Variants in PDIA6 observed in about 807,000 individuals in gnomAD.
PDIA6 encodes the protein protein disulfide isomerase family A member 6, also known as protein disulfide-isomerase A6.
A neutral mutation model predicts 58.4 loss-of-function variants in PDIA6; 29 were observed. That is an observed-to-expected ratio of 0.50 (90% CI 0.37 to 0.68). The LOEUF (loss-of-function observed/expected upper bound fraction) is 0.68, where lower values mean the gene tolerates loss of function less well. Ranked by LOEUF, PDIA6 falls within the 30% of genes least tolerant of loss-of-function variation. The pLI is 0.00. For synonymous variants in PDIA6, 192 were observed against 202.6 expected (o/e 0.95, Z 0.44); for missense variants, 480 against 551.0 (o/e 0.87, Z 1.29).
chr2:10,807,193 TG>T (rs1024675137), intron 1 of PDIA6, among the ~76,000 whole-genome samples: 27 of 152,350 alleles, frequency 1.8e-4, no homozygotes, highest in African/African-American at 5.3e-4. Context: ...TGCTGGCTTT[TG>T]GATTGAAATA....
At chr2:10,819,010 A>G (rs1025639491) in intron 2 of PDIA6, among the ~76,000 whole-genome samples, 2 of 151,652 alleles carry the variant, frequency 1.3e-5, no homozygotes, top group Non-Finnish European at 2.9e-5. Flanking sequence ...AAATTTAACT[A>G]CTCTAGACAT....
chr2:10,793,116 C>G lies in PDIA6; in HGVS notation c.433G>C (p.Gly145Arg), dbSNP rs143589785. 42 of 1,612,978 alleles carry G rather than the reference C, an allele frequency of 2.6e-5. No homozygotes were observed. Among genetic ancestry groups the G allele is most frequent in the Non-Finnish European group, 3.5e-5 (41 of 1,179,016 alleles). ...CTTACTTGTTTTCCAGAACTGTATCCTCCGCTCCGTCCCCCGAGGCGATCC... is the reference window on the plus strand; with the variant it reads ...CTTACTTGTTTTCCAGAACTGTATCGTCCGCTCCGTCCCCCGAGGCGATCC... ...VKDRLGGRSG[G>R]YSSGKQGRSD... Residue 145 changes from glycine to arginine, a missense_variant, in exon 5 of 13, where the codon GGA (glycine) becomes CGA (arginine). By Grantham distance (125) the Gly-to-Arg change is moderately radical (BLOSUM62 -2). Coordinates refer to ENST00000272227, the MANE Select transcript of PDIA6 (RefSeq NM_005742.4).
rs1558448362 is a variant in PDIA6 at position 10,801,143 on chromosome 2, G to GA, written c.161+1355_161+1356insT. On this transcript the variant is annotated intron_variant, in intron 2 of 12. Transcript: ENST00000272227. ...AAAATACAAAAATTAGCAGGGCGTG[G>GA]TGGTACATGCCTGTAGTACCAGTGC... Among the ~76,000 whole-genome samples, 555 of 151,736 alleles carry GA rather than the reference G, an allele frequency of 3.7e-3. 5 individuals are homozygous for GA. The highest frequency in any genetic ancestry group is 0.013 in the African/African-American group (537 of 41,434).
chr2:10,788,065 C>CAAAGAA lies in PDIA6; in HGVS notation c.999-627_999-626insTTCTTT, dbSNP rs1665861314. Among the ~76,000 whole-genome samples the CAAAGAA allele has an allele frequency of 2.9e-5, 3 of 102,184 alleles. No homozygotes were observed. In the South Asian group the frequency reaches 1.1e-3, roughly 37 times the overall value. 67.0% of individuals were successfully genotyped at this position (102,184 alleles called of 152,430 possible). A position where few individuals can be genotyped will look rare whatever the true frequency, so the allele number is the denominator to read the frequency against. On this transcript the variant is annotated intron_variant, in intron 10 of 12. Transcript: ENST00000272227. ...TGGGCAAGAGAGTGAGACTCTGTCTCAAAAAAAAAAAAAAAGGATAAAATA... is the reference window on the plus strand; with the variant it reads ...TGGGCAAGAGAGTGAGACTCTGTCTCAAAGAAAAAAAAAAAAAAAAAGGATAAAATA...
At chr2:10,797,266 A>ACTCATTATC (rs1220465983) in intron 3 of PDIA6, 59 bp from the exon 4 acceptor site, 13 of 1,544,850 alleles carry the variant, frequency 8.4e-6, no homozygotes, top group Non-Finnish European at 1.1e-5. Flanking sequence ...CTCCACAAGA[A>ACTCATTATC]CTCATTATCT....
chr2:10,824,336 G>A (rs116164558), intron 1 of PDIA6, among the ~76,000 whole-genome samples: 299 of 152,340 alleles, frequency 2.0e-3, no homozygotes, highest in African/African-American at 7.0e-3. Flanking sequence ...ACATGTCTGT[G>A]GCCGATGACA....
chr2:10,785,420 C>T (rs914559529), intron 11 of PDIA6, among the ~76,000 whole-genome samples: 1 of 152,176 alleles, frequency 6.6e-6, no homozygotes, highest in Non-Finnish European at 1.5e-5. Context: ...AGAAGTGAGG[C>T]GACTGGTTCC....
intron 1 of PDIA6, among the ~76,000 whole-genome samples, chr2:10,805,888 T>C (rs1666708831): frequency 1.5e-5 from 1 of 65,690 alleles, no homozygotes; most frequent in African/African-American, 5.0e-5. Context: ...GGAAGGGGAA[T>C]ATCACACTCT....
upstream of PDIA6, among the ~76,000 whole-genome samples, chr2:10,817,329 T>A (rs1018702425): frequency 1.3e-5 from 2 of 152,226 alleles, no homozygotes; most frequent in African/African-American, 2.4e-5. Context: ...GAACTATGGC[T>A]GCAAACCCCC....
At chr2:10,795,496 GAC>G (rs1666228328) in intron 4 of PDIA6, among the ~76,000 whole-genome samples, 1 of 151,920 alleles carries the variant, frequency 6.6e-6, no homozygotes, top group South Asian at 2.1e-4. Flanking sequence ...TTCAGACGAA[GAC>G]GAAGACGAAG....
At chr2:10,812,020 C>G (rs1667017679) in intron 1 of PDIA6, among the ~76,000 whole-genome samples, 1 of 152,110 alleles carries the variant, frequency 6.6e-6, no homozygotes, top group Non-Finnish European at 1.5e-5. Context: ...AGGAGATTCT[C>G]CTGCCTCAGC....
upstream of PDIA6, chr2:10,837,405 C>T (rs1667850299): frequency 4.9e-6 from 3 of 617,004 alleles, no homozygotes; most frequent in Admixed American, 2.7e-5. Context: ...AAAAAACATA[C>T]GTGAGGAAAT....
intron 2 of PDIA6, among the ~76,000 whole-genome samples, chr2:10,799,356 A>G (rs1314251725): frequency 6.6e-6 from 1 of 152,230 alleles, no homozygotes; most frequent in East Asian, 1.9e-4. Flanking sequence ...TGATGAAAAC[A>G]CTTATAGATG....
chr2:10,824,443 C>G (rs1198375108), intron 1 of PDIA6, among the ~76,000 whole-genome samples: 1 of 152,246 alleles, frequency 6.6e-6, no homozygotes, highest in African/African-American at 2.4e-5. Context: ...CCCCTTGCCA[C>G]AGTTATTGGC....
rs1306040402 is a variant in PDIA6, at chr2:10,819,464, C to T, written c.-47-110G>A. The T allele has an allele frequency of 4.5e-6, 3 of 672,026 alleles. No individual in the cohort carries two copies. In the African/African-American group the frequency reaches 5.4e-5, roughly 12 times the overall value. 41.6% of individuals were successfully genotyped at this position (672,026 alleles called of 1,614,324 possible). ...ATTTACATCTGTGAACCTGCTAAAA[C>T]TGCTTTTGTTAATCAACGAAAAGTT... is the stretch of plus-strand genomic sequence containing the variant. On this transcript the variant is annotated intron_variant, in intron 1 of 13. Transcript: ENST00000381611.
chr2:10,834,732 C>CTCCCTCCCTCCCT (rs1217424185), upstream of PDIA6, among the ~76,000 whole-genome samples: 237 of 36,320 alleles, frequency 6.5e-3, 26 homozygotes, highest in Non-Finnish European at 9.1e-3. Flanking sequence ...CCTTCCTTCC[C>CTCCCTCCCTCCCT]TCCTTCCTTC....
chr2:10,819,973 T>C (rs1019347273), intron 1 of PDIA6, among the ~76,000 whole-genome samples: 1 of 152,172 alleles, frequency 6.6e-6, no homozygotes, highest in African/African-American at 2.4e-5. Context: ...CCATGTGTTG[T>C]GTTTCGTTTA....
rs1553339909 is a variant in PDIA6 at position 10,806,622 on chromosome 2, T to TAAAGACAAAG, written c.20-3983_20-3982insCTTTGTCTTT. 1.0e-3 allele frequency among the ~76,000 whole-genome samples: 49 copies of TAAAGACAAAG among 48,670 alleles called. 1 individual carries two copies. The Admixed American group carries it at 0.011, about 11-fold the overall frequency. 31.9% of individuals were successfully genotyped at this position (48,670 alleles called of 152,430 possible). A position where few individuals can be genotyped will look rare whatever the true frequency, so the allele number is the denominator to read the frequency against. The stretch of plus-strand genomic sequence containing the variant: ...TAGCAAAACCACATCTCCTAAAAAA[T>TAAAGACAAAG]AAAGACAGAAAGAAAGAAAGAAAGA... On this transcript the variant is annotated intron_variant, in intron 1 of 12. Coordinates refer to ENST00000272227, the MANE Select transcript of PDIA6 (RefSeq NM_005742.4).
rs1558441657 is a variant in PDIA6, at chr2:10,791,922, T to C, written c.457A>G (p.Arg153Gly). The change falls in exon 6 of 13, where the codon AGA becomes GGA. Residue 153 changes from arginine (R) to glycine (G), a missense_variant. Transcript: ENST00000272227. ...SGGYSSGKQG[R>G]SDSSSKKDVI... Reference sequence around the variant, plus strand: ...TCCTTCTTACTTGAACTATCACTTCTGCCCTGTCATTTATGACATTAAACA... The same window carrying C: ...TCCTTCTTACTTGAACTATCACTTCCGCCCTGTCATTTATGACATTAAACA... 6.2e-7 allele frequency: 1 copy of C among 1,613,032 alleles called. No individual in the cohort carries two copies.
Sources: gnomAD v4.1 joint callset for allele counts (sites outside exome capture counted in the v4.1 genomes callset) on GRCh38, gnomAD v4.1.1 for gene constraint, MANE v1.5 for transcripts, NCBI Gene and HGNC (gene_info 2026-07-23, HGNC 2026-07-21) for gene names.